PTPRN2: variants seen among roughly 807,000 people sequenced by gnomAD.
PTPRN2 encodes receptor-type tyrosine-protein phosphatase N2.
A neutral mutation model predicts 118.8 loss-of-function variants in PTPRN2; 74 were observed. That is an observed-to-expected ratio of 0.62 (90% CI 0.52 to 0.76). The LOEUF (loss-of-function observed/expected upper bound fraction) is 0.76, where lower values mean the gene tolerates loss of function less well. Among genes scored for constraint, PTPRN2 ranks in the 30% least tolerant of loss-of-function variants. The pLI, the probability that PTPRN2 is intolerant of heterozygous loss-of-function variation, is 0.00. For synonymous variants in PTPRN2, 641 were observed against 608.0 expected (o/e 1.05, Z -0.80); for missense variants, 1,481 against 1,394.4 (o/e 1.06, Z -0.99).
chr7:158,523,551 C>CTCTGCCCTGGAGTGGAGTCG (rs1219340805), intron 1 of PTPRN2, among the ~76,000 whole-genome samples: 35 of 39,954 alleles, frequency 8.8e-4, no homozygotes, highest in African/African-American at 2.8e-3. Context: ...GAATGGAGTC[C>CTCTGCCCTGGAGTGGAGTCG]TCTGCCCTGG....
At chr7:157,851,930 T>G (rs1348899102) in intron 12 of PTPRN2, among the ~76,000 whole-genome samples, 1 of 152,206 alleles carries the variant, frequency 6.6e-6, no homozygotes, top group African/African-American at 2.4e-5. Context: ...TCCGCCCACC[T>G]CGCTGCGGGC....
rs546191334 is a variant in PTPRN2 at position 158,022,326 on chromosome 7, G to A, written c.1723+58972C>T. Among the ~76,000 whole-genome samples, 3 of 152,266 alleles carry A rather than the reference G, an allele frequency of 2.0e-5. No homozygotes were observed. The highest frequency in any genetic ancestry group is 3.4e-3 in the Middle Eastern group (1 of 294). ...CATCCTTCCTGACGGCCTCCACCAC[G>A]AGACTTCAGGTCATCCTTTAATGAG... On this transcript the variant is annotated intron_variant, in intron 11 of 22. Transcript: ENST00000389418. This position sits in a 1 kb window ranked among gnomAD's most constrained non-coding sequence, Gnocchi z 4.6.
chr7:158,160,690 T>C (rs1367809563), intron 6 of PTPRN2, among the ~76,000 whole-genome samples: 1 of 152,204 alleles, frequency 6.6e-6, no homozygotes, highest in Non-Finnish European at 1.5e-5. Flanking sequence ...CCTGCAGTTA[T>C]ACAGCTGGGT....
intron 5 of PTPRN2, among the ~76,000 whole-genome samples, chr7:158,174,084 G>T (rs2335833): frequency 0.63 from 96,352 of 152,074 alleles, 31,477 homozygotes; most frequent in East Asian, 0.85. Context: ...AGAGTATTGA[G>T]TGGGGAAATG....
Position 158,365,561 on chromosome 7 carries a change from G to A in PTPRN2, c.164-48629C>T, listed in dbSNP as rs113926436. ...CAGAGCTCAGGTGTTGTTGAAGCCC[G>A]TTAGAACTGGCATGCGTGGAGTCTG... is the stretch of plus-strand genomic sequence containing the variant. On this transcript the variant is annotated intron_variant, in intron 2 of 22. Coordinates refer to ENST00000389418, the MANE Select transcript of PTPRN2 (RefSeq NM_002847.5). 1.5e-3 allele frequency among the ~76,000 whole-genome samples: 224 copies of A among 152,328 alleles called. 1 individual carries two copies. Among genetic ancestry groups the A allele is most frequent in the Middle Eastern group, 0.014 (4 of 294 alleles).
rs1185422217 is a variant in PTPRN2, at chr7:157,981,985, G to A, written c.1724-83248C>T. Among the ~76,000 whole-genome samples the A allele has an allele frequency of 1.4e-3, 195 of 135,806 alleles. 2 individuals carry two copies. The highest frequency in any genetic ancestry group is 4.9e-3 in the Middle Eastern group (1 of 206). 89.1% of individuals were successfully genotyped at this position (135,806 alleles called of 152,430 possible). Reference sequence around the variant, plus strand: ...AATGCAGAGTGCAGGGTACCGCCCAGAACCCCTGAGTCATAGAGACAAGGA... The same window carrying A: ...AATGCAGAGTGCAGGGTACCGCCCAAAACCCCTGAGTCATAGAGACAAGGA... On this transcript the variant is annotated intron_variant, in intron 11 of 22. Transcript: ENST00000389418.
intron 4 of PTPRN2, among the ~76,000 whole-genome samples, chr7:158,196,907 G>A (rs1327948586): frequency 2.0e-5 from 3 of 152,132 alleles, no homozygotes; most frequent in Non-Finnish European, 4.4e-5. Flanking sequence ...CGACACTGAA[G>A]GACATCATCC....
intron 11 of PTPRN2, among the ~76,000 whole-genome samples, chr7:158,071,644 T>C (rs1432063998): frequency 7.5e-5 from 10 of 133,972 alleles, no homozygotes; most frequent in Non-Finnish European, 1.5e-4. Flanking sequence ...GTGGAGATGC[T>C]CGTGGTGATG....
chr7:158,230,991 G>C (rs1829128985), intron 3 of PTPRN2, among the ~76,000 whole-genome samples: 1 of 152,170 alleles, frequency 6.6e-6, no homozygotes, highest in Non-Finnish European at 1.5e-5. Context: ...TTCAGGCTGG[G>C]CACAGAGGCT....
intron 11 of PTPRN2, among the ~76,000 whole-genome samples, chr7:158,005,613 G>A (rs1439688078): frequency 6.6e-6 from 1 of 152,224 alleles, no homozygotes; most frequent in Non-Finnish European, 1.5e-5. Context: ...CGTTGTCTTA[G>A]AGAGCTGGAA....
At chr7:157,926,491 A>C (rs1165436507) in intron 11 of PTPRN2, among the ~76,000 whole-genome samples, 1 of 152,264 alleles carries the variant, frequency 6.6e-6, no homozygotes, top group Non-Finnish European at 1.5e-5. Flanking sequence ...CAAATTAAAA[A>C]CAATTTAAAG....
chr7:157,827,961 C>T (rs773761499), intron 12 of PTPRN2, among the ~76,000 whole-genome samples: 7 of 152,182 alleles, frequency 4.6e-5, no homozygotes, highest in South Asian at 4.1e-4. Flanking sequence ...GACAGGTCTC[C>T]GCAAGGCAGC....
intron 6 of PTPRN2, among the ~76,000 whole-genome samples, chr7:158,145,358 G>T (rs1406302933): frequency 6.6e-6 from 1 of 152,144 alleles, no homozygotes. Context: ...GGCTTGGCAA[G>T]ACTTCCCTCA....
At position 157,654,669 on chromosome 7, in the gene PTPRN2, T is replaced by G. The variant is rs531201469; in HGVS notation, c.2196+1688A>C. Among the ~76,000 whole-genome samples, 3 of 152,320 alleles carry G rather than the reference T, an allele frequency of 2.0e-5. No individual in the cohort carries two copies. In the East Asian group the frequency reaches 5.8e-4, roughly 29 times the overall value. On this transcript the variant is annotated intron_variant, in intron 14 of 22. Transcript: ENST00000389418. ...GGAGGCTGAGTCTGTCCTTGCGGTT[T>G]AGGCATTCCAGCAGAAGTGGTGCTT...
intron 2 of PTPRN2, among the ~76,000 whole-genome samples, chr7:158,385,341 ACT>A (rs1811254691): frequency 6.6e-6 from 1 of 152,190 alleles, no homozygotes; most frequent in African/African-American, 2.4e-5. Flanking sequence ...ATGAAGATGT[ACT>A]CTGATGACAT....
intron 2 of PTPRN2, among the ~76,000 whole-genome samples, chr7:158,358,541 C>T (rs1439311660): frequency 6.6e-6 from 1 of 152,244 alleles, no homozygotes; most frequent in African/African-American, 2.4e-5. Flanking sequence ...AGAAGCCAGA[C>T]ACAGAAACAA....
chr7:157,934,506 T>C (rs1451197589), intron 11 of PTPRN2, among the ~76,000 whole-genome samples: 4 of 152,250 alleles, frequency 2.6e-5, no homozygotes, highest in African/African-American at 9.6e-5. Flanking sequence ...TTTGCACATT[T>C]GACTGGAAGC....
chr7:158,417,462 T>TAA lies in PTPRN2; in HGVS notation c.163+72272_163+72273insTT, dbSNP rs546519369. 3.5e-3 allele frequency among the ~76,000 whole-genome samples: 514 copies of TAA among 144,908 alleles called. 15 individuals are homozygous for TAA. Among genetic ancestry groups the TAA allele is most frequent in the African/African-American group, 0.012 (467 of 37,956 alleles). On this transcript the variant is annotated intron_variant, in intron 2 of 22. Coordinates refer to ENST00000389418, the MANE Select transcript of PTPRN2 (RefSeq NM_002847.5). ...TGTAGCTTTCAGTGTCCCGCTGTGTTGTCATGGTGTACTACATCGAGATGC... is the reference window on the plus strand; with the variant it reads ...TGTAGCTTTCAGTGTCCCGCTGTGTTAAGTCATGGTGTACTACATCGAGATGC...
rs551335226 is a variant in PTPRN2, at chr7:158,249,457, A to G, written c.278-44184T>C. 5.7e-3 allele frequency among the ~76,000 whole-genome samples: 859 copies of G among 150,970 alleles called. 6 individuals are homozygous for G. Among genetic ancestry groups the G allele is most frequent in the African/African-American group, 0.02 (809 of 40,988 alleles). On this transcript the variant is annotated intron_variant, in intron 3 of 22. Transcript: ENST00000389418. Reference sequence around the variant, plus strand: ...ACACATGCACACCATACATACATGCATACATACACATATCTACCACACCTG... The same window carrying G: ...ACACATGCACACCATACATACATGCGTACATACACATATCTACCACACCTG...
Sources: allele counts gnomAD v4.1 joint callset (sites outside exome capture counted in the v4.1 genomes callset), GRCh38; gene constraint gnomAD v4.1.1; non-coding constraint Gnocchi (gnomAD v3.1); transcripts MANE v1.5; gene names NCBI Gene and HGNC (gene_info 2026-07-23, HGNC 2026-07-21).